The following ADGRL3 variants were observed in gnomAD, a reference collection of about 807,000 sequenced individuals.
ADGRL3 encodes the protein adhesion G protein-coupled receptor L3.
A neutral mutation model predicts 153.5 loss-of-function variants in ADGRL3; 62 were observed. That is an observed-to-expected ratio of 0.40 (90% CI 0.33 to 0.50). The LOEUF is 0.50. ADGRL3 is among the 20% of genes least tolerant of loss of function. The pLI is 0.47. For missense variants in ADGRL3, 1,641 were observed against 1,859.4 expected (o/e 0.88, Z 2.16); for synonymous variants, 710 against 672.5 (o/e 1.06, Z -0.86).
At chr4:61,821,333 ATTTATTTATTTATTTATTTATTTG>A (rs1482950367) in intron 9 of ADGRL3, among the ~76,000 whole-genome samples, 1 of 38,856 alleles carries the variant, frequency 2.6e-5, no homozygotes, top group Non-Finnish European at 4.3e-5. Flanking sequence ...ACTACTTTTT[ATTTATTTATTTATTTATTTATTTG>A]TTTATTTATT....
intron 5 of ADGRL3, among the ~76,000 whole-genome samples, chr4:61,592,395 C>T (rs148291913): frequency 3.3e-5 from 5 of 152,260 alleles, no homozygotes; most frequent in African/African-American, 1.2e-4. Flanking sequence ...TAAACTATAA[C>T]AGATCAGAAA....
chr4:61,735,626 TA>T (rs2096497761), intron 8 of ADGRL3, among the ~76,000 whole-genome samples: 1 of 152,226 alleles, frequency 6.6e-6, no homozygotes, highest in African/African-American at 2.4e-5. Flanking sequence ...GGATGGTTCT[TA>T]GCCTTTTTTG....
At chr4:61,220,774 T>C (rs900872612) in intron 1 of ADGRL3, among the ~76,000 whole-genome samples, 1 of 152,224 alleles carries the variant, frequency 6.6e-6, no homozygotes, top group African/African-American at 2.4e-5. Flanking sequence ...TTTTTATCTC[T>C]GACTTATTCT....
intron 5 of ADGRL3, among the ~76,000 whole-genome samples, chr4:61,645,241 T>C (rs1294624138): frequency 6.6e-6 from 1 of 152,192 alleles, no homozygotes; most frequent in Admixed American, 6.5e-5. Flanking sequence ...CTTTATCCAA[T>C]TTGCCAGTCT....
chr4:61,723,366 C>T (rs909363627), intron 6 of ADGRL3, among the ~76,000 whole-genome samples: 2 of 152,078 alleles, frequency 1.3e-5, no homozygotes, highest in Non-Finnish European at 2.9e-5. Context: ...ATGACACGGA[C>T]ACACGTGGAG....
intron 8 of ADGRL3, among the ~76,000 whole-genome samples, chr4:61,741,497 G>C (rs962913307): frequency 6.6e-6 from 1 of 152,200 alleles, no homozygotes; most frequent in African/African-American, 2.4e-5. Flanking sequence ...TGCTTGCAGT[G>C]ACAGCTGCTG....
chr4:61,465,468 A>G (rs1024701616), intron 2 of ADGRL3, among the ~76,000 whole-genome samples: 2 of 152,066 alleles, frequency 1.3e-5, no homozygotes, highest in Admixed American at 6.6e-5. Context: ...TATAATTGAG[A>G]TACAATTGCA....
At chr4:61,432,296 C>T (rs559854401) in intron 2 of ADGRL3, among the ~76,000 whole-genome samples, 1 of 152,244 alleles carries the variant, frequency 6.6e-6, no homozygotes, top group Non-Finnish European at 1.5e-5. Context: ...CTTTCATACT[C>T]ATCAATTTTT....
At chr4:62,031,022 G>A (rs1265280848) in intron 22 of ADGRL3, among the ~76,000 whole-genome samples, 2 of 151,418 alleles carry the variant, frequency 1.3e-5, no homozygotes, top group South Asian at 2.1e-4. Flanking sequence ...TTTTGAAAAA[G>A]CGAGGTAAAA....
chr4:61,997,087 A>G (rs2151048299), intron 20 of ADGRL3, among the ~76,000 whole-genome samples: 1 of 152,268 alleles, frequency 6.6e-6, no homozygotes, highest in South Asian at 2.1e-4. Flanking sequence ...TTTTGGAATC[A>G]GAAATTTTTC....
intron 2 of ADGRL3, among the ~76,000 whole-genome samples, chr4:61,475,838 C>T (rs1047355204): frequency 6.6e-6 from 1 of 152,114 alleles, no homozygotes; most frequent in African/African-American, 2.4e-5. Context: ...CTCTTATTCA[C>T]TGTTAAGCGT....
At chr4:61,331,576 TTGTC>T (rs776781894) in intron 1 of ADGRL3, among the ~76,000 whole-genome samples, 1 of 152,184 alleles carries the variant, frequency 6.6e-6, no homozygotes, top group African/African-American at 2.4e-5. Context: ...TATTGATACT[TTGTC>T]TGTCATTGAT....
chr4:61,329,828 G>T (rs990532181), intron 1 of ADGRL3, among the ~76,000 whole-genome samples: 9 of 152,256 alleles, frequency 5.9e-5, no homozygotes, highest in Non-Finnish European at 1.3e-4. Context: ...CTTATTCAAA[G>T]ATTATTGTCA....
At chr4:61,330,574 C>T in intron 1 of ADGRL3, among the ~76,000 whole-genome samples, 1 of 152,222 alleles carries the variant, frequency 6.6e-6, no homozygotes, top group East Asian at 1.9e-4. Context: ...GAGTTGGTTC[C>T]TTCTGGTGGG....
intron 6 of ADGRL3, among the ~76,000 whole-genome samples, chr4:61,694,549 T>C (rs533334948): frequency 1.3e-5 from 2 of 152,322 alleles, no homozygotes; most frequent in African/African-American, 4.8e-5. Flanking sequence ...GTGGTAACCA[T>C]CATCTGAGCC....
intron 25 of ADGRL3, among the ~76,000 whole-genome samples, chr4:62,056,977 A>G (rs1192779093): frequency 2.0e-5 from 3 of 152,146 alleles, no homozygotes; most frequent in Non-Finnish European, 4.4e-5. Context: ...TTTGAATTCT[A>G]AAACTTTGGC....
rs572213081 is a variant in ADGRL3 at position 61,452,284 on chromosome 4, C to T, written c.-173-44837C>T. ...AGCCTCCTGGGGGAACAGGCTGAGG[C>T]CTCTGTTATACTCGTAACAGTTCAT... On this transcript the variant is annotated intron_variant, in intron 2 of 26. Coordinates refer to ENST00000683033, the MANE Select transcript of ADGRL3 (RefSeq NM_001387552.1). 2.1e-4 allele frequency among the ~76,000 whole-genome samples: 32 copies of T among 152,230 alleles called. No individual in the cohort carries two copies. In the South Asian group the frequency reaches 3.9e-3, roughly 19 times the overall value.
intron 1 of ADGRL3, among the ~76,000 whole-genome samples, chr4:61,377,151 T>C (rs1230854046): frequency 6.6e-6 from 1 of 152,042 alleles, no homozygotes; most frequent in Non-Finnish European, 1.5e-5. Flanking sequence ...TCCTATGGTA[T>C]GGTATGGTAG....
intron 15 of ADGRL3, among the ~76,000 whole-genome samples, chr4:61,939,833 A>C (rs974923438): frequency 3.9e-5 from 6 of 152,152 alleles, no homozygotes; most frequent in Non-Finnish European, 7.3e-5. Context: ...TGCTGTCTCA[A>C]TTCGTTAACC....
Sources: allele counts gnomAD v4.1 joint callset (sites outside exome capture counted in the v4.1 genomes callset), GRCh38; gene constraint gnomAD v4.1.1; transcripts MANE v1.5; gene names NCBI Gene and HGNC (gene_info 2026-07-23, HGNC 2026-07-21).